Variants in PGAP4 observed in about 807,000 individuals in gnomAD.
PGAP4 encodes the protein post-GPI attachment to proteins GalNAc transferase 4.
A neutral mutation model predicts 28.2 loss-of-function variants in PGAP4; 12 were observed. The ratio of observed to expected loss-of-function variants is 0.42; its 90% confidence interval spans 0.27 to 0.69. The LOEUF (loss-of-function observed/expected upper bound fraction) is 0.69. Among genes scored for constraint, PGAP4 ranks in the 30% least tolerant of loss-of-function variants. The pLI is 0.22. For synonymous variants in PGAP4, 205 were observed against 211.8 expected (o/e 0.97, Z 0.28); for missense variants, 425 against 513.5 (o/e 0.83, Z 1.67).
chr9:101,522,381 A>C (rs1288165478), intron 2 of PGAP4, among the ~76,000 whole-genome samples: 1 of 152,124 alleles, frequency 6.6e-6, no homozygotes, highest in African/African-American at 2.4e-5. Context: ...ATTGTTTTAT[A>C]AATTTGGAAG....
intron 2 of PGAP4, among the ~76,000 whole-genome samples, chr9:101,523,269 G>A (rs1827003884): frequency 6.6e-6 from 1 of 152,264 alleles, no homozygotes; most frequent in South Asian, 2.1e-4. Flanking sequence ...GGCCAGGAAA[G>A]TTTTCCTTGA....
intron 2 of PGAP4, among the ~76,000 whole-genome samples, chr9:101,503,611 A>C (rs1176819880): frequency 2.0e-5 from 3 of 152,036 alleles, no homozygotes; most frequent in African/African-American, 7.2e-5. Context: ...CCCCAAATTG[A>C]AAAGCCATCA....
intron 2 of PGAP4, among the ~76,000 whole-genome samples, chr9:101,513,062 G>A (rs1296455369): frequency 1.3e-5 from 2 of 152,174 alleles, no homozygotes; most frequent in Non-Finnish European, 2.9e-5. Context: ...GTCATAGGCA[G>A]AAACATCTTT....
chr9:101,531,229 CACACACACACAG>C (rs1303782490), intron 2 of PGAP4: 1 of 152,642 alleles, frequency 6.6e-6, no homozygotes, highest in Non-Finnish European at 1.5e-5. Flanking sequence ...CACACACACA[CACACACACACAG>C]AGTTGATTTT....
intron 1 of PGAP4, among the ~76,000 whole-genome samples, chr9:101,482,853 A>G (rs1358790511): frequency 1.3e-5 from 2 of 152,128 alleles, no homozygotes; most frequent in African/African-American, 4.8e-5. Flanking sequence ...AGACTCATCT[A>G]TTTATAGCTA....
Position 101,476,717 on chromosome 9 carries a change from G to A in PGAP4, c.376C>T (p.His126Tyr). 2 of 1,614,102 alleles carry A rather than the reference G, an allele frequency of 1.2e-6. No homozygotes were observed. Among genetic ancestry groups the A allele is most frequent in the Non-Finnish European group, 1.7e-6 (2 of 1,180,018 alleles). The change falls in exon 2 of 2, where the codon CAC becomes TAC. Residue 126 changes from histidine (H) to tyrosine (Y), a missense_variant. By Grantham distance (83) the His-to-Tyr change is moderately conservative (BLOSUM62 2). Coordinates refer to ENST00000374848, the MANE Select transcript of PGAP4 (RefSeq NM_032342.3). The surrounding 1 kb of genome is among the most constrained non-coding windows in gnomAD (Gnocchi z 7.0). ...GGGCCACATTGCTGAAGAAGCCGGT[G>A]GAACTGGGACACAACCTGCAGGACG... ...HYVLQVVSQF[H>Y]RLLQQCGPQC...
At chr9:101,496,463 T>A (rs1826749881) in intron 2 of PGAP4, among the ~76,000 whole-genome samples, 1 of 151,492 alleles carries the variant, frequency 6.6e-6, no homozygotes, top group African/African-American at 2.4e-5. Context: ...ATTAATATTT[T>A]AAGAAAACGT....
At chr9:101,528,272 G>C (rs961576162) in intron 2 of PGAP4, among the ~76,000 whole-genome samples, 1 of 152,112 alleles carries the variant, frequency 6.6e-6, no homozygotes, top group Non-Finnish European at 1.5e-5. Context: ...GTTGGAAGTA[G>C]TTGTTTCCAC....
chr9:101,502,582 T>C (rs1213042955), intron 2 of PGAP4, among the ~76,000 whole-genome samples: 4 of 152,014 alleles, frequency 2.6e-5, no homozygotes, highest in Non-Finnish European at 4.4e-5. Flanking sequence ...TCTGATCTTA[T>C]AGGGGTAGAG....
At position 101,477,030 on chromosome 9, in the gene PGAP4, G is replaced by A; in HGVS notation, c.63C>T (p.Gly21=). Residue 21 remains glycine, a synonymous_variant, in exon 2 of 2, where the codon GGC becomes GGT. Transcript: ENST00000374848. Reference sequence around the variant, plus strand: ...GGATGAAGAGCTGGACAGCAGTGCTGCCCCAGGAGAGTCGCCGCAGCCTCC... The same window carrying A: ...GGATGAAGAGCTGGACAGCAGTGCTACCCCAGGAGAGTCGCCGCAGCCTCC... The part of the protein sequence containing the change: ...LLRRLRRLSW[G]STAVQLFILT... 2.5e-6 allele frequency: 4 copies of A among 1,612,678 alleles called. No individual in the cohort carries two copies. Among genetic ancestry groups the A allele is most frequent in the Non-Finnish European group, 3.4e-6 (4 of 1,179,622 alleles).
chr9:101,474,239 G>A lies in PGAP4; in HGVS notation c.*1642C>T, dbSNP rs1826233701. ...TCTCTGGGTCTCAATTTGTTCATCT[G>A]TAGAGCGTGGGTGATCAACCTTTAT... On this transcript the variant is annotated 3_prime_UTR_variant, in exon 2 of 2. Coordinates refer to ENST00000374848, the MANE Select transcript of PGAP4 (RefSeq NM_032342.3). 1 of 152,186 alleles carries A rather than the reference G, an allele frequency of 6.6e-6. No homozygotes were observed. The highest frequency in any genetic ancestry group is 1.5e-5 in the Non-Finnish European group (1 of 68,038). The allele number at this position is 152,186 out of a possible 1,614,324, so 9.4% of individuals were successfully genotyped here. A position where few individuals can be genotyped will look rare whatever the true frequency, so the allele number is the denominator to read the frequency against.
At chr9:101,518,978 G>GT (rs1184899475) in intron 2 of PGAP4, among the ~76,000 whole-genome samples, 3 of 152,040 alleles carry the variant, frequency 2.0e-5, no homozygotes, top group Admixed American at 6.6e-5. Flanking sequence ...AACATCTACT[G>GT]TTTTTTTGAT....
rs565940173 is a variant in PGAP4 at position 101,495,887 on chromosome 9, G to A, written c.-164-6687C>T. ...AAACATCCTCCCATAGTGTGATTACGTTTCCTTATGTGAAGCTCATTTAAA... is the reference window on the plus strand; with the variant it reads ...AAACATCCTCCCATAGTGTGATTACATTTCCTTATGTGAAGCTCATTTAAA... On this transcript the variant is annotated intron_variant, in intron 2 of 3. Coordinates refer to the PGAP4 transcript ENST00000374851. 9.3e-5 allele frequency among the ~76,000 whole-genome samples: 14 copies of A among 151,158 alleles called. No individual in the cohort carries two copies. The East Asian group carries it at 2.1e-3, about 23-fold the overall frequency.
chr9:101,511,686 T>G (rs1347594363), intron 2 of PGAP4, among the ~76,000 whole-genome samples: 1 of 152,140 alleles, frequency 6.6e-6, no homozygotes, highest in Non-Finnish European at 1.5e-5. Flanking sequence ...ATTGCAAACA[T>G]TATTTATAAT....
At chr9:101,498,884 A>T (rs1472898647) in intron 2 of PGAP4, among the ~76,000 whole-genome samples, 1 of 151,862 alleles carries the variant, frequency 6.6e-6, no homozygotes. Flanking sequence ...TAGAATGTTT[A>T]TTTTTTTCTT....
chr9:101,486,509 G>A lies in PGAP4; in HGVS notation c.-78+440C>T, dbSNP rs1826618356. ...CGCGAGGGTCCCCTGCTTGCGGGCGGCCATTAGGCGCCAGGCCCCTTGGCG... is the reference window on the plus strand; with the variant it reads ...CGCGAGGGTCCCCTGCTTGCGGGCGACCATTAGGCGCCAGGCCCCTTGGCG... On this transcript the variant is annotated intron_variant, in intron 1 of 1. Transcript: ENST00000374848. The surrounding 1 kb of genome is among the most constrained non-coding windows in gnomAD (Gnocchi z 4.7). 6.6e-6 allele frequency among the ~76,000 whole-genome samples: 1 copy of A among 152,176 alleles called. No individual in the cohort carries two copies. Among genetic ancestry groups the A allele is most frequent in the Admixed American group, 6.5e-5 (1 of 15,290 alleles).
intron 2 of PGAP4, among the ~76,000 whole-genome samples, chr9:101,530,342 G>A (rs781674343): frequency 1.2e-4 from 19 of 152,120 alleles, no homozygotes; most frequent in Admixed American, 2.6e-4. Flanking sequence ...GCTGGAGGTC[G>A]AATGACTTGG....
At chr9:101,491,082 C>T (rs547924789), upstream of PGAP4, among the ~76,000 whole-genome samples, 1 of 152,084 alleles carries the variant, frequency 6.6e-6, no homozygotes, top group South Asian at 2.1e-4. Context: ...CATGGTAAGA[C>T]CACTGAATTC....
chr9:101,531,150 C>T (rs1187933271), intron 2 of PGAP4: 1 of 150,402 alleles, frequency 6.6e-6, no homozygotes, highest in Admixed American at 6.7e-5. Flanking sequence ...ATCCTGTGAA[C>T]CAATTCCTTA....
Sources: gnomAD v4.1 joint callset for allele counts (sites outside exome capture counted in the v4.1 genomes callset) on GRCh38, gnomAD v4.1.1 for gene constraint, Gnocchi (gnomAD v3.1) non-coding constraint, MANE v1.5 for transcripts, NCBI Gene and HGNC (gene_info 2026-07-23, HGNC 2026-07-21) for gene names.